The following CP variants were observed in gnomAD, a reference collection of about 807,000 sequenced individuals.
The protein encoded by CP is ceruloplasmin.
Under a neutral mutation model 122.4 loss-of-function variants are expected in CP, and 64 were observed. That is an observed-to-expected ratio of 0.52 (90% CI 0.43 to 0.64). The LOEUF (loss-of-function observed/expected upper bound fraction) is 0.64, where lower values mean the gene tolerates loss of function less well. Ranked by LOEUF, CP falls within the 30% of genes least tolerant of loss-of-function variation. The pLI is 0.00. For missense variants in CP, 1,167 were observed against 1,284.4 expected (o/e 0.91, Z 1.40); for synonymous variants, 440 against 436.4 (o/e 1.01, Z -0.10).
Position 149,188,051 on chromosome 3 carries a change from C to G in CP, c.1864+1G>C, listed in dbSNP as rs1559942361. Reference sequence around the variant, plus strand: ...AGATTGGTGGATGATGCAGTACTTACAGTGCATTTTATTAGATTCCTGAAA... The same window carrying G: ...AGATTGGTGGATGATGCAGTACTTAGAGTGCATTTTATTAGATTCCTGAAA... On this transcript the variant is annotated splice_donor_variant, in intron 10 of 18. Transcript: ENST00000264613. LOFTEE classifies it high-confidence loss of function. 1 of 1,611,600 alleles carries G rather than the reference C, an allele frequency of 6.2e-7. No homozygotes were observed. The highest frequency in any genetic ancestry group is 8.5e-7 in the Non-Finnish European group (1 of 1,179,724).
rs532618448 is a variant in CP at position 149,221,737 on chromosome 3, G to C, written c.56C>G (p.Ala19Gly). 6.2e-7 allele frequency: 1 copy of C among 1,613,216 alleles called. No homozygotes were observed. Among genetic ancestry groups the C allele is most frequent in the Non-Finnish European group, 8.5e-7 (1 of 1,179,588 alleles). ...TCCAATGTAATAATGCTTTTCTTTCGCCCAGGCTGGGGTACTACATAAAAA... is the reference window on the plus strand; with the variant it reads ...TCCAATGTAATAATGCTTTTCTTTCCCCCAGGCTGGGGTACTACATAAAAA... ...FLFLCSTPAW[A>G]KEKHYYIGII... Residue 19 changes from alanine to glycine, a missense_variant, in exon 1 of 19, where the codon GCG becomes GGG. Transcript: ENST00000264613.
Position 149,167,054 on chromosome 3 carries a change from A to G in CP, c.587-1004T>C, listed in dbSNP as rs769485246. 144 of 1,613,290 alleles carry G rather than the reference A, an allele frequency of 8.9e-5. No individual in the cohort carries two copies. The highest frequency in any genetic ancestry group is 1.1e-4 in the Non-Finnish European group (127 of 1,179,502). On this transcript the variant is annotated intron_variant, in intron 4 of 5. Transcript: ENST00000479771. ...CATAGTCTCTTATATGTGGTCCTTC[A>G]TTTGACATAGCTTCCATTATTCCGT...
chr3:149,209,158 T>G, intron 4 of CP, 53 bp downstream of exon 4: 1 of 1,608,172 alleles, frequency 6.2e-7, no homozygotes, highest in Non-Finnish European at 8.5e-7. Context: ...CTTAGCAGAA[T>G]TAATGGATCA....
chr3:149,168,110 C>A, downstream of CP: 2 of 670,738 alleles, frequency 3.0e-6, no homozygotes, highest in Admixed American at 2.5e-5. Flanking sequence ...ATCTGGGGAG[C>A]TTATTTTCAG....
rs78671766 is a variant in CP, at chr3:149,180,867, G to T, written c.2554+1138C>A. On this transcript the variant is annotated intron_variant, in intron 14 of 18. Transcript: ENST00000264613. The stretch of plus-strand genomic sequence containing the variant: ...CAGTGGTCAGTGCCCAAAACCTTGG[G>T]GTCATGCTTGACTCCTCTCTTCCCT... Among the ~76,000 whole-genome samples the T allele has an allele frequency of 8.5e-3, 1,293 of 152,142 alleles. 16 individuals are homozygous for T. Among genetic ancestry groups the T allele is most frequent in the African/African-American group, 0.029 (1,219 of 41,496 alleles).
chr3:149,205,373 C>A (rs1002315846), intron 6 of CP, among the ~76,000 whole-genome samples: 2 of 148,078 alleles, frequency 1.4e-5, no homozygotes, highest in African/African-American at 4.9e-5. Context: ...CAGCTAGAAG[C>A]GGAATCGCTT....
intron 14 of CP, among the ~76,000 whole-genome samples, chr3:149,181,100 C>G (rs1256128173): frequency 5.9e-5 from 9 of 152,160 alleles, no homozygotes; most frequent in African/African-American, 2.2e-4. Flanking sequence ...GGTCACTTAA[C>G]CACACATCAC....
intron 7 of CP, among the ~76,000 whole-genome samples, chr3:149,201,701 A>G (rs1043355251): frequency 5.3e-5 from 8 of 151,922 alleles, no homozygotes; most frequent in African/African-American, 1.5e-4. Context: ...AGCGATTCTC[A>G]TGCCTCAGCA....
chr3:149,169,888 T>A (rs1724805090), downstream of CP, among the ~76,000 whole-genome samples: 1 of 152,230 alleles, frequency 6.6e-6, no homozygotes, highest in South Asian at 2.1e-4. Flanking sequence ...TGACAAATAT[T>A]TTCTAGACAT....
intron 9 of CP, among the ~76,000 whole-genome samples, chr3:149,196,754 G>A (rs1726919705): frequency 1.8e-5 from 1 of 56,722 alleles, no homozygotes; most frequent in African/African-American, 7.0e-5. Context: ...AAATTGAGAA[G>A]CCTTTGATTA....
intron 5 of CP, among the ~76,000 whole-genome samples, chr3:149,206,837 A>C (rs1727761408): frequency 6.6e-6 from 1 of 152,228 alleles, no homozygotes; most frequent in African/African-American, 2.4e-5. Flanking sequence ...TTTGCACGTC[A>C]AAGTAAAATA....
chr3:149,199,808 C>T lies in CP; in HGVS notation c.1405G>A (p.Gly469Arg), dbSNP rs748447606. The T allele has an allele frequency of 3.7e-6, 6 of 1,613,992 alleles. No individual in the cohort carries two copies. The East Asian group carries it at 6.7e-5, about 18-fold the overall frequency. ...DTIRVTFHNK[G>R]AYPLSIEPIG... is the part of the protein sequence containing the mutation. ...GGCTCAATACTGAGGGGATATGCTCCTTTGTTATGGAAGGTTACTCTGATG... is the reference window on the plus strand; with the variant it reads ...GGCTCAATACTGAGGGGATATGCTCTTTTGTTATGGAAGGTTACTCTGATG... The change falls in exon 8 of 19, where the codon GGA (glycine) becomes AGA (arginine). Residue 469 changes from glycine (G) to arginine (R), a missense_variant. Physicochemically the swap from Gly to Arg is moderately radical, Grantham distance 125. This residue lies in a region of CP where 642 missense variants were observed against 627.3 expected (regional missense o/e 1.02). Transcript: ENST00000264613.
intron 9 of CP, among the ~76,000 whole-genome samples, chr3:149,195,790 C>T (rs1726860704): frequency 6.6e-6 from 1 of 150,634 alleles, no homozygotes; most frequent in Non-Finnish European, 1.5e-5. Context: ...GGTGTGAACC[C>T]AGGAGGTGGG....
intron 9 of CP, among the ~76,000 whole-genome samples, chr3:149,197,141 A>C (rs35610536): frequency 0.065 from 9,870 of 151,664 alleles, 1,067 homozygotes; most frequent in African/African-American, 0.22. Flanking sequence ...ACGGCCCCAC[A>C]CTTATCTCCC....
intron 1 of CP, 63 bp downstream of exon 1, chr3:149,221,584 T>C: frequency 6.7e-7 from 1 of 1,481,714 alleles, no homozygotes; most frequent in Non-Finnish European, 9.2e-7. Context: ...TTCATCTTAT[T>C]GGCTCTATCC....
Position 149,207,392 on chromosome 3 carries a change from A to G in CP, c.1007T>C (p.Leu336Pro). The change falls in exon 5 of 19, where the codon CTC becomes CCC. Residue 336 changes from leucine (L) to proline (P), a missense_variant. Physicochemically the swap from Leu to Pro is moderately conservative, Grantham distance 98. Around this residue, in one of 2 missense-constraint regions of CP, gnomAD observed 642 missense variants for 627.3 expected, o/e 1.02. Coordinates refer to ENST00000264613, the MANE Select transcript of CP (RefSeq NM_000096.4). The stretch of plus-strand genomic sequence containing the variant: ...CAGATGGTTTAGATTCTGACAGCTG[A>G]GCATCCATTCTCCAGGGTTCTGGGC... Reference protein sequence around the residue: ...MVAQNPGEWMLSCQNLNHLKA... With the variant: ...MVAQNPGEWMPSCQNLNHLKA... 6.2e-7 allele frequency: 1 copy of G among 1,613,940 alleles called. No homozygotes were observed. The highest frequency in any genetic ancestry group is 8.5e-7 in the Non-Finnish European group (1 of 1,179,810).
In CP at chr3:149,199,869, G is replaced by A. The variant is rs772626009; in HGVS notation, c.1349-5C>T. The A allele has an allele frequency of 6.2e-7, 1 of 1,613,742 alleles. No homozygotes were observed. Among genetic ancestry groups the A allele is most frequent in the Admixed American group, 1.7e-5 (1 of 60,022 alleles). On this transcript the variant is annotated splice_region_variant and splice_polypyrimidine_tract_variant and intron_variant, in intron 7 of 18. Transcript: ENST00000264613. The stretch of plus-strand genomic sequence containing the variant: ...CCTCTGCCCAAATGACAGGACCTGG[G>A]AACAAAGAGAGAATTATTATCCTTC...
At chr3:149,217,394 C>CA (rs1728533261) in intron 1 of CP, among the ~76,000 whole-genome samples, 2 of 152,108 alleles carry the variant, frequency 1.3e-5, no homozygotes, top group African/African-American at 4.8e-5. Flanking sequence ...CCTACGTAAG[C>CA]AAACCAAAAC....
intron 12 of CP, among the ~76,000 whole-genome samples, chr3:149,183,867 C>T (rs1471348304): frequency 6.6e-6 from 1 of 151,936 alleles, no homozygotes; most frequent in African/African-American, 2.4e-5. Flanking sequence ...CAGCTAGTCA[C>T]TGCCTATTGG....
Sources: gnomAD v4.1 joint callset for allele counts (sites outside exome capture counted in the v4.1 genomes callset) on GRCh38, gnomAD v4.1.1 for gene constraint, gnomAD v4.1.1 regional missense constraint, MANE v1.5 for transcripts, NCBI Gene and HGNC (gene_info 2026-07-23, HGNC 2026-07-21) for gene names.